WDR75: variants seen among roughly 807,000 people sequenced by gnomAD.
WDR75 encodes the protein WD repeat-containing protein 75.
A neutral mutation model predicts 106.1 loss-of-function variants in WDR75; 52 were observed. The observed-to-expected ratio is 0.49, with a 90% CI of 0.39 to 0.62. WDR75 has a LOEUF of 0.62. Among genes scored for constraint, WDR75 ranks in the 20% least tolerant of loss-of-function variants. The probability of loss-of-function intolerance (pLI) is 0.00; values close to 1 mark genes in which losing one functional copy is unlikely to be tolerated. For missense variants in WDR75, 905 were observed against 970.3 expected (o/e 0.93, Z 0.89); for synonymous variants, 333 against 335.5 (o/e 0.99, Z 0.08).
chr2:189,474,732 G>A lies in WDR75; in HGVS notation c.2212G>A (p.Ala738Thr). 6.2e-7 allele frequency: 1 copy of A among 1,614,002 alleles called. No individual in the cohort carries two copies. The highest frequency in any genetic ancestry group is 8.5e-7 in the Non-Finnish European group (1 of 1,179,926). ...PAISELLHTP[A>T]HVLPSAAFLC... The stretch of plus-strand genomic sequence containing the variant: ...TTGACTCCAGCTTCTTCACACTCCA[G>A]CCCATGTCCTGCCATCTGCTGCTTT... The change falls in exon 20 of 21, where the codon GCC becomes ACC. Residue 738 changes from alanine to threonine, a missense_variant. Physicochemically the swap from Ala to Thr is moderately conservative, Grantham distance 58. Transcript: ENST00000314761.
intron 1 of WDR75, among the ~76,000 whole-genome samples, chr2:189,442,859 C>A (rs1686413510): frequency 6.6e-6 from 1 of 152,124 alleles, no homozygotes; most frequent in African/African-American, 2.4e-5. Flanking sequence ...AAAATGAGTC[C>A]TGTGGCTTTG....
intron 1 of WDR75, among the ~76,000 whole-genome samples, chr2:189,443,470 G>A (rs1415468117): frequency 6.6e-6 from 1 of 152,120 alleles, no homozygotes; most frequent in African/African-American, 2.4e-5. Context: ...CAAAGAGAAT[G>A]GTTTTTTAAT....
In WDR75 at chr2:189,475,288, T is replaced by C. The variant is rs1284566461; in HGVS notation, c.2364T>C (p.Phe788=). ...AAGATTCAGATGAAGAAAATGATTT[T>C]ACCGAAAAAGTCCAGGATACAAGTA... is the stretch of plus-strand genomic sequence containing the variant. ...ESEDSDEEND[F]TEKVQDTSNT... Residue 788 remains phenylalanine, a synonymous_variant, in exon 21 of 21, where the codon TTT becomes TTC. Transcript: ENST00000314761. 6.2e-7 allele frequency: 1 copy of C among 1,613,102 alleles called. No homozygotes were observed. The highest frequency in any genetic ancestry group is 8.5e-7 in the Non-Finnish European group (1 of 1,179,404).
At chr2:189,445,195 A>G (rs537787935) in intron 1 of WDR75, among the ~76,000 whole-genome samples, 1 of 152,242 alleles carries the variant, frequency 6.6e-6, no homozygotes, top group Non-Finnish European at 1.5e-5. Flanking sequence ...GGAGATGTGA[A>G]GTTTAAAGAG....
chr2:189,458,096 T>A (rs111406695), intron 6 of WDR75, among the ~76,000 whole-genome samples: 3 of 152,222 alleles, frequency 2.0e-5, no homozygotes, highest in African/African-American at 7.2e-5. Flanking sequence ...CAAATTTTTG[T>A]ATTTTTAGTA....
chr2:189,448,258 C>A, intron 1 of WDR75, 121 bp from the exon 2 acceptor site: 1 of 1,092,340 alleles, frequency 9.2e-7, no homozygotes, highest in Non-Finnish European at 1.2e-6. Context: ...CCCAGGCAGG[C>A]GTATCACTTG....
intron 2 of WDR75, chr2:189,449,356 AC>A: frequency 7.7e-7 from 1 of 1,294,518 alleles, no homozygotes; most frequent in Non-Finnish European, 1.0e-6. Flanking sequence ...TAAATGAGCT[AC>A]TTCTAAAAAT....
chr2:189,441,510 C>T lies in WDR75; in HGVS notation c.18C>T (p.Asn6=). ...GCGCAAAGATGGTGGAGGAGGAGAACATCCGCGTGGTTCGTTGTGGCGGCA... is the reference window on the plus strand; with the variant it reads ...GCGCAAAGATGGTGGAGGAGGAGAATATCCGCGTGGTTCGTTGTGGCGGCA... MVEEE[N]IRVVRCGGSE... The change falls in exon 1 of 21, where the codon AAC becomes AAT. Residue 6 remains asparagine, a synonymous_variant. Coordinates refer to ENST00000314761, the MANE Select transcript of WDR75 (RefSeq NM_032168.3). 1.3e-6 allele frequency: 2 copies of T among 1,565,504 alleles called. No individual in the cohort carries two copies. Among genetic ancestry groups the T allele is most frequent in the African/African-American group, 1.4e-5 (1 of 73,992 alleles).
intron 2 of WDR75, chr2:189,448,914 G>C (rs986009784): frequency 4.7e-5 from 22 of 469,814 alleles, no homozygotes; most frequent in African/African-American, 4.4e-4. Context: ...AAAAATGTTG[G>C]CCAGGAGGTA....
At chr2:189,454,611 T>G (rs1461021403) in intron 4 of WDR75, among the ~76,000 whole-genome samples, 3 of 151,692 alleles carry the variant, frequency 2.0e-5, no homozygotes, top group Non-Finnish European at 4.4e-5. Context: ...AACCTCCACC[T>G]CCCGGGTTCA....
rs1426795177 is a variant in WDR75 at position 189,441,591 on chromosome 2, C to T, written c.86+13C>T. ...CTGCAGATTCTAAGTATGAGGGGCA[C>T]CGCGCTTTGTCGGCTGAGGGGCGGG... On this transcript the variant is annotated intron_variant, in intron 1 of 20. Coordinates refer to ENST00000314761, the MANE Select transcript of WDR75 (RefSeq NM_032168.3). 3.9e-6 allele frequency: 6 copies of T among 1,553,654 alleles called. No homozygotes were observed. The African/African-American group carries it at 6.8e-5, about 18-fold the overall frequency.
At chr2:189,462,989 G>T (rs186646956) in intron 9 of WDR75, among the ~76,000 whole-genome samples, 1 of 152,296 alleles carries the variant, frequency 6.6e-6, no homozygotes, top group East Asian at 1.9e-4. Flanking sequence ...GTTTTCAAAA[G>T]AATACTGCAA....
intron 11 of WDR75, among the ~76,000 whole-genome samples, chr2:189,464,641 T>G (rs1383805959): frequency 6.6e-6 from 1 of 152,156 alleles, no homozygotes; most frequent in African/African-American, 2.4e-5. Context: ...CATAAATAAA[T>G]GCTGGCCTAC....
intron 2 of WDR75, 61 bp from the exon 3 acceptor site, chr2:189,450,842 A>G: frequency 6.3e-7 from 1 of 1,594,604 alleles, no homozygotes; most frequent in Non-Finnish European, 8.5e-7. Context: ...TTAATTATTC[A>G]TTTGATATCT....
intron 18 of WDR75, among the ~76,000 whole-genome samples, chr2:189,471,133 C>T (rs1042494596): frequency 4.6e-5 from 7 of 152,018 alleles, no homozygotes; most frequent in African/African-American, 1.7e-4. Context: ...AAAACTTCTC[C>T]AACACCACTA....
chr2:189,453,975 C>T (rs1686680773), intron 4 of WDR75, among the ~76,000 whole-genome samples: 1 of 152,148 alleles, frequency 6.6e-6, no homozygotes, highest in Non-Finnish European at 1.5e-5. Context: ...TCATTCAACA[C>T]CTAATTGAGC....
At chr2:189,447,992 A>G (rs1174562933) in intron 1 of WDR75, among the ~76,000 whole-genome samples, 1 of 152,154 alleles carries the variant, frequency 6.6e-6, no homozygotes, top group African/African-American at 2.4e-5. Context: ...TTCTTGTGGT[A>G]GTGAATAAGT....
chr2:189,473,731 C>T (rs1182677628), intron 18 of WDR75, among the ~76,000 whole-genome samples: 4 of 152,132 alleles, frequency 2.6e-5, no homozygotes, highest in African/African-American at 9.7e-5. Flanking sequence ...TGAGCATTTG[C>T]AGGATTCTGT....
At chr2:189,457,161 A>T in intron 5 of WDR75, 150 bp from the exon 6 acceptor site, 1 of 562,278 alleles carries the variant, frequency 1.8e-6, no homozygotes, top group East Asian at 3.4e-5. Flanking sequence ...GAATCACTTG[A>T]ACTCGGGAGG....
Sources: gnomAD v4.1 joint callset for allele counts (sites outside exome capture counted in the v4.1 genomes callset) on GRCh38, gnomAD v4.1.1 for gene constraint, MANE v1.5 for transcripts, NCBI Gene and HGNC (gene_info 2026-07-23, HGNC 2026-07-21) for gene names.